The following OSBPL6 variants were observed in gnomAD, a reference collection of about 807,000 sequenced individuals.
The protein encoded by OSBPL6 is oxysterol-binding protein-related protein 6.
OSBPL6 carries 49 observed loss-of-function variants against 125.8 expected under a neutral mutation model. The ratio of observed to expected loss-of-function variants is 0.39; its 90% confidence interval spans 0.31 to 0.49. OSBPL6 has a LOEUF of 0.49. Among genes scored for constraint, OSBPL6 ranks in the 20% least tolerant of loss-of-function variants. OSBPL6 has a pLI of 0.88. For synonymous variants in OSBPL6, 394 were observed against 391.8 expected (o/e 1.01, Z -0.07); for missense variants, 986 against 1,135.4 (o/e 0.87, Z 1.89).
At position 178,229,959 on chromosome 2, in the gene OSBPL6, C is replaced by A. The variant is rs78190079; in HGVS notation, c.-351+35285C>A. Among the ~76,000 whole-genome samples, 660 of 152,296 alleles carry A rather than the reference C, an allele frequency of 4.3e-3. 15 individuals are homozygous for A. The East Asian group carries it at 0.071, about 16-fold the overall frequency. Reference sequence around the variant, plus strand: ...CTGATCTACATTAAAGTTTGAGAACCACTTAGTCTATCTAGAAATGGACCA... The same window carrying A: ...CTGATCTACATTAAAGTTTGAGAACAACTTAGTCTATCTAGAAATGGACCA... On this transcript the variant is annotated intron_variant, in intron 1 of 24. Transcript: ENST00000190611.
At chr2:178,343,341 C>G (rs906966733) in intron 11 of OSBPL6, among the ~76,000 whole-genome samples, 5 of 151,832 alleles carry the variant, frequency 3.3e-5, no homozygotes, top group Admixed American at 1.3e-4. Flanking sequence ...GAGCTATGAT[C>G]GTGCCACAAC....
chr2:178,234,648 T>G (rs956252615), intron 1 of OSBPL6, among the ~76,000 whole-genome samples: 1 of 152,222 alleles, frequency 6.6e-6, no homozygotes, highest in Admixed American at 6.5e-5. Flanking sequence ...ACTGGTCTTT[T>G]CATCCTCTTC....
chr2:178,383,926 C>T (rs1694711354), intron 17 of OSBPL6, 113 bp from the exon 18 acceptor site: 3 of 1,220,204 alleles, frequency 2.5e-6, no homozygotes, highest in Non-Finnish European at 2.3e-6. Context: ...ATGCAACTGT[C>T]ATCAAATCAA....
At chr2:178,227,622 G>C (rs1293726989) in intron 1 of OSBPL6, among the ~76,000 whole-genome samples, 4 of 152,150 alleles carry the variant, frequency 2.6e-5, no homozygotes, top group African/African-American at 9.7e-5. Context: ...AAATCCAAAT[G>C]AAGTATAACG....
At chr2:178,311,399 T>A (rs1687257560) in intron 3 of OSBPL6, among the ~76,000 whole-genome samples, 1 of 152,214 alleles carries the variant, frequency 6.6e-6, no homozygotes, top group Non-Finnish European at 1.5e-5. Context: ...TTGATTTTTC[T>A]TTAAAGCATT....
chr2:178,392,203 T>G (rs181778979), intron 22 of OSBPL6, among the ~76,000 whole-genome samples: 234 of 152,358 alleles, frequency 1.5e-3, no homozygotes, highest in South Asian at 2.3e-3. Flanking sequence ...AGGATTGTAT[T>G]AAATATATGA....
At chr2:178,342,023 A>G (rs1476123106) in intron 11 of OSBPL6, among the ~76,000 whole-genome samples, 1 of 152,102 alleles carries the variant, frequency 6.6e-6, no homozygotes, top group African/African-American at 2.4e-5. Flanking sequence ...GATTAAAGAT[A>G]CCCACCACTT....
intron 1 of OSBPL6, among the ~76,000 whole-genome samples, chr2:178,213,107 G>A (rs945300281): frequency 5.3e-5 from 8 of 152,044 alleles, no homozygotes; most frequent in South Asian, 4.1e-4. Context: ...ACGCCCGGCC[G>A]AGCACGGACC....
At chr2:178,343,298 G>A (rs1054085869) in intron 11 of OSBPL6, among the ~76,000 whole-genome samples, 1 of 151,846 alleles carries the variant, frequency 6.6e-6, no homozygotes, top group African/African-American at 2.4e-5. Flanking sequence ...AAGGTGGGAG[G>A]GTCGCTTGAG....
intron 23 of OSBPL6, among the ~76,000 whole-genome samples, chr2:178,393,733 T>C (rs1265378257): frequency 6.6e-6 from 1 of 152,238 alleles, no homozygotes; most frequent in Non-Finnish European, 1.5e-5. Context: ...TATTTCAGTG[T>C]TCCTTTTCTG....
chr2:178,263,275 T>C (rs2092120424), intron 1 of OSBPL6, among the ~76,000 whole-genome samples: 1 of 152,106 alleles, frequency 6.6e-6, no homozygotes, highest in African/African-American at 2.4e-5. Context: ...GGTCAGGAGT[T>C]CAAGACTAGC....
rs139699722 is a variant in OSBPL6 at position 178,349,379 on chromosome 2, C to T, written c.1143C>T (p.Ile381=). Reference sequence around the variant, plus strand: ...AGCTGCAAGAAGAATTTTGTCTAATCGCACAGAAAGGTAAGAACAAAAATA... The same window carrying T: ...AGCTGCAAGAAGAATTTTGTCTAATTGCACAGAAAGGTAAGAACAAAAATA... ...YTKLQEEFCL[I]AQKVHSLLKS... is the part of the protein sequence containing the mutation. Residue 381 remains isoleucine, a synonymous_variant, in exon 12 of 25, where the codon ATC becomes ATT. Coordinates refer to ENST00000190611, the MANE Select transcript of OSBPL6 (RefSeq NM_032523.4). The T allele has an allele frequency of 4.3e-5, 69 of 1,614,006 alleles. No individual in the cohort carries two copies. The African/African-American group carries it at 6.4e-4, about 15-fold the overall frequency.
At chr2:178,304,679 G>A (rs13386703) in intron 2 of OSBPL6, among the ~76,000 whole-genome samples, 6,614 of 152,192 alleles carry the variant, frequency 0.043, 315 homozygotes, top group East Asian at 0.18. Context: ...ATACTGTTGC[G>A]TTGGGGTTAG....
intron 1 of OSBPL6, among the ~76,000 whole-genome samples, chr2:178,268,582 A>G (rs773244312): frequency 7.9e-5 from 12 of 152,108 alleles, no homozygotes; most frequent in Non-Finnish European, 1.5e-4. Context: ...TGCTGTCACC[A>G]CACATTAGTG....
At chr2:178,359,507 A>C (rs1329169912) in intron 12 of OSBPL6, among the ~76,000 whole-genome samples, 1 of 151,984 alleles carries the variant, frequency 6.6e-6, no homozygotes, top group Non-Finnish European at 1.5e-5. Flanking sequence ...TTCTTAAAAT[A>C]ATTAAAAATA....
chr2:178,278,415 A>G (rs150606261), intron 1 of OSBPL6, among the ~76,000 whole-genome samples: 43 of 152,320 alleles, frequency 2.8e-4, no homozygotes, highest in African/African-American at 8.9e-4. Flanking sequence ...TGATGTTTAT[A>G]TATAATAACT....
At chr2:178,240,413 A>T (rs1441892705) in intron 1 of OSBPL6, among the ~76,000 whole-genome samples, 5 of 152,084 alleles carry the variant, frequency 3.3e-5, no homozygotes, top group African/African-American at 1.2e-4. Context: ...TACTAAAAAT[A>T]CGAAAATTAG....
intron 11 of OSBPL6, among the ~76,000 whole-genome samples, chr2:178,341,078 T>C (rs911205376): frequency 2.6e-5 from 4 of 152,248 alleles, no homozygotes; most frequent in Admixed American, 6.5e-5. Flanking sequence ...TTTGAACTTG[T>C]GAGTGTCTAG....
rs1356660691 is a variant in OSBPL6 at position 178,331,563 on chromosome 2, C to T, written c.330C>T (p.Val110=). Reference sequence around the variant, plus strand: ...TTTGGTTCTTGCAGCGTTTTTTTGTCCTGGATAATGGAATGTTAAAGTATT... The same window carrying T: ...TTTGGTTCTTGCAGCGTTTTTTTGTTCTGGATAATGGAATGTTAAAGTATT... ...PLKGWHKRFF[V]LDNGMLKYSK... is the part of the protein sequence containing the mutation. Residue 110 remains valine, a synonymous_variant, in exon 6 of 25, where the codon GTC becomes GTT. Transcript: ENST00000190611. 4 of 1,613,940 alleles carry T rather than the reference C, an allele frequency of 2.5e-6. No individual in the cohort carries two copies. The South Asian group carries it at 4.4e-5, about 18-fold the overall frequency.
Sources: allele counts gnomAD v4.1 joint callset (sites outside exome capture counted in the v4.1 genomes callset), GRCh38; gene constraint gnomAD v4.1.1; transcripts MANE v1.5; gene names NCBI Gene and HGNC (gene_info 2026-07-23, HGNC 2026-07-21).